Variants in GPR39 observed in about 807,000 individuals in gnomAD.
GPR39 encodes the protein G protein-coupled receptor 39, also known as zinc sensing receptor.
Under a neutral mutation model 18.4 loss-of-function variants are expected in GPR39, and 23 were observed. That is an observed-to-expected ratio of 1.25 (90% CI 0.90 to 1.77). GPR39 has a LOEUF of 1.77. Ranked by LOEUF, GPR39 falls within the 40% of genes most tolerant of loss-of-function variation. The probability of loss-of-function intolerance (pLI) is 0.00; values close to 1 mark genes in which losing one functional copy is unlikely to be tolerated. For synonymous variants in GPR39, 280 were observed against 257.9 expected, an observed-to-expected ratio of 1.09 and a Z score of -0.82; for missense variants, 647 against 602.4, an observed-to-expected ratio of 1.07 and a Z score of -0.78.
In GPR39 at chr2:132,470,978, C is replaced by A. The variant is rs1439293034; in HGVS notation, c.856+53080C>A. Among the ~76,000 whole-genome samples the A allele has an allele frequency of 3.9e-5, 6 of 152,312 alleles. No individual in the cohort carries two copies. The East Asian group carries it at 1.2e-3, about 29-fold the overall frequency. ...CTATGCCTCATCCTTTGGGCATAAC[C>A]TTTGCTTGGAATCCACTTTCTATCC... On this transcript the variant is annotated intron_variant, in intron 1 of 1. Transcript: ENST00000329321.
chr2:132,440,791 G>T (rs961734513), intron 1 of GPR39, among the ~76,000 whole-genome samples: 9 of 152,114 alleles, frequency 5.9e-5, no homozygotes, highest in African/African-American at 2.2e-4. Context: ...ATGAAAAAAA[G>T]TCAAAAGAGG....
intron 1 of GPR39, among the ~76,000 whole-genome samples, chr2:132,549,717 G>A (rs1224299016): frequency 1.3e-5 from 2 of 152,148 alleles, no homozygotes; most frequent in African/African-American, 4.8e-5. Flanking sequence ...GAACCCAGGA[G>A]GCGGAGGTTG....
intron 1 of GPR39, among the ~76,000 whole-genome samples, chr2:132,452,036 T>C (rs927198354): frequency 5.9e-5 from 9 of 152,222 alleles, no homozygotes; most frequent in African/African-American, 2.2e-4. Flanking sequence ...TAATGAATGA[T>C]AGTTTTTGCT....
At chr2:132,532,950 C>G (rs1161026809) in intron 1 of GPR39, among the ~76,000 whole-genome samples, 1 of 152,084 alleles carries the variant, frequency 6.6e-6, no homozygotes, top group Non-Finnish European at 1.5e-5. Context: ...CAGGGATGCC[C>G]TCTCTCACCA....
chr2:132,557,764 C>T lies in GPR39; in HGVS notation c.857-87337C>T, dbSNP rs143570209. Among the ~76,000 whole-genome samples, 965 of 152,278 alleles carry T rather than the reference C, an allele frequency of 6.3e-3. 6 individuals carry two copies. Among genetic ancestry groups the T allele is most frequent in the Non-Finnish European group, 0.01 (702 of 68,028 alleles). The stretch of plus-strand genomic sequence containing the variant: ...CGGTTAACTTTACCACATATCTTCT[C>T]GTGACTGGCTTACAATATAGTATCT... On this transcript the variant is annotated intron_variant, in intron 1 of 1. Transcript: ENST00000329321.
chr2:132,479,367 C>T (rs1461568356), intron 1 of GPR39, among the ~76,000 whole-genome samples: 1 of 152,148 alleles, frequency 6.6e-6, no homozygotes, highest in African/African-American at 2.4e-5. Context: ...AAGCACTCCT[C>T]TCAGGGGAGG....
At chr2:132,464,321 G>A (rs1680887423) in intron 1 of GPR39, among the ~76,000 whole-genome samples, 1 of 152,224 alleles carries the variant, frequency 6.6e-6, no homozygotes, top group African/African-American at 2.4e-5. Context: ...CAGCCTTGAA[G>A]CTGGTGTCCT....
chr2:132,598,726 CA>C (rs1680990878), intron 1 of GPR39, among the ~76,000 whole-genome samples: 1 of 152,166 alleles, frequency 6.6e-6, no homozygotes, highest in Admixed American at 6.5e-5. Context: ...CTGAATTCCA[CA>C]CTAGGCAGAC....
intron 1 of GPR39, among the ~76,000 whole-genome samples, chr2:132,491,442 G>C (rs1443409343): frequency 6.6e-6 from 1 of 151,974 alleles, no homozygotes; most frequent in Non-Finnish European, 1.5e-5. Flanking sequence ...AAATGTTCTT[G>C]ATGATAGGAA....
chr2:132,569,456 C>G (rs909355170), intron 1 of GPR39, among the ~76,000 whole-genome samples: 25 of 152,040 alleles, frequency 1.6e-4, no homozygotes, highest in Admixed American at 1.0e-3. Flanking sequence ...AAGGCTGTGT[C>G]TGAGCAGCGG....
chr2:132,569,645 C>A (rs909467906), intron 1 of GPR39, among the ~76,000 whole-genome samples: 15 of 151,684 alleles, frequency 9.9e-5, no homozygotes, highest in Non-Finnish European at 1.9e-4. Flanking sequence ...GGGGGGGGTC[C>A]CATCGTTCCC....
intron 1 of GPR39, among the ~76,000 whole-genome samples, chr2:132,589,243 T>A (rs1410547612): frequency 6.6e-6 from 1 of 152,184 alleles, no homozygotes; most frequent in Non-Finnish European, 1.5e-5. Flanking sequence ...TCTGCCTTCT[T>A]GGTTACTAAG....
intron 1 of GPR39, among the ~76,000 whole-genome samples, chr2:132,460,878 G>C (rs1165494271): frequency 6.6e-6 from 1 of 152,190 alleles, no homozygotes. Context: ...GCTCGGGGTT[G>C]GGCTTTGGGT....
intron 1 of GPR39, among the ~76,000 whole-genome samples, chr2:132,629,856 T>C (rs892676772): frequency 3.9e-5 from 6 of 152,180 alleles, no homozygotes; most frequent in Admixed American, 3.3e-4. Flanking sequence ...AACATAATGC[T>C]GGGGGTGATG....
intron 1 of GPR39, among the ~76,000 whole-genome samples, chr2:132,422,282 G>C (rs2104753357): frequency 6.6e-6 from 1 of 152,262 alleles, no homozygotes; most frequent in East Asian, 1.9e-4. Flanking sequence ...ATCTTTGCTT[G>C]TCAGTGGCGT....
chr2:132,628,294 G>T (rs1401211242), intron 1 of GPR39, among the ~76,000 whole-genome samples: 1 of 152,178 alleles, frequency 6.6e-6, no homozygotes, highest in Non-Finnish European at 1.5e-5. Context: ...GCACTGGTTT[G>T]CTTGGAGGAG....
At chr2:132,640,119 T>A (rs1357664614) in intron 1 of GPR39, among the ~76,000 whole-genome samples, 5 of 152,088 alleles carry the variant, frequency 3.3e-5, no homozygotes, top group Admixed American at 3.3e-4. Flanking sequence ...GACTCTAAGA[T>A]GGAATTCTGG....
intron 1 of GPR39, among the ~76,000 whole-genome samples, chr2:132,516,103 G>A (rs1336338701): frequency 6.6e-6 from 1 of 152,110 alleles, no homozygotes; most frequent in African/African-American, 2.4e-5. Flanking sequence ...TCTGGGTCCT[G>A]GCAAGCCCGT....
At chr2:132,480,735 T>G (rs922815934) in intron 1 of GPR39, among the ~76,000 whole-genome samples, 2 of 152,150 alleles carry the variant, frequency 1.3e-5, no homozygotes, top group Non-Finnish European at 2.9e-5. Flanking sequence ...GAGTTTGGTT[T>G]TGGATTAATT....
Sources: gnomAD v4.1 joint callset for allele counts (sites outside exome capture counted in the v4.1 genomes callset) on GRCh38, gnomAD v4.1.1 for gene constraint, MANE v1.5 for transcripts, NCBI Gene and HGNC (gene_info 2026-07-23, HGNC 2026-07-21) for gene names.